Variants in ZNF516 observed in about 807,000 individuals in gnomAD.
The protein encoded by ZNF516 is zinc finger protein 516.
Under a neutral mutation model 79.7 loss-of-function variants are expected in ZNF516, and 19 were observed. The ratio of observed to expected loss-of-function variants is 0.24; its 90% CI spans 0.17 to 0.35. The LOEUF (loss-of-function observed/expected upper bound fraction) is 0.35. Ranked by LOEUF, ZNF516 falls within the 10% of genes least tolerant of loss-of-function variation. The probability of loss-of-function intolerance (pLI) is 1.00; values close to 1 mark genes in which losing one functional copy is unlikely to be tolerated. For missense variants in ZNF516, 1,678 were observed against 1,679.5 expected, an observed-to-expected ratio of 1.00 and a Z score of 0.02; for synonymous variants, 877 against 739.5, an observed-to-expected ratio of 1.19 and a Z score of -3.02.
chr18:76,447,454 TG>T (rs1251687821), intron 2 of ZNF516, among the ~76,000 whole-genome samples: 2 of 152,228 alleles, frequency 1.3e-5, no homozygotes, highest in East Asian at 3.8e-4. Context: ...CGTCCTGGGC[TG>T]CTCTATTCCA....
intron 3 of ZNF516, among the ~76,000 whole-genome samples, chr18:76,419,092 C>A (rs1231390660): frequency 1.3e-5 from 2 of 152,230 alleles, no homozygotes; most frequent in Admixed American, 1.3e-4. Context: ...TGGGTCGCAG[C>A]CACTCCTACT....
At chr18:76,439,343 ACCTACAGGGCTCTTCCATGTTTCATG>A (rs1377283758) in intron 3 of ZNF516, among the ~76,000 whole-genome samples, 1 of 152,102 alleles carries the variant, frequency 6.6e-6, no homozygotes, top group African/African-American at 2.4e-5. Flanking sequence ...ACCCACATAC[ACCTACAGGGCTCTTCCATGTTTCATG>A]CCTCTGTCGA....
chr18:76,472,458 CATGT>C (rs755184095), intron 1 of ZNF516, among the ~76,000 whole-genome samples: 20 of 152,360 alleles, frequency 1.3e-4, no homozygotes, highest in East Asian at 1.2e-3. Context: ...TTCACATATG[CATGT>C]ATGTGTGTAT....
chr18:76,417,820 A>G (rs1170327903), intron 3 of ZNF516, among the ~76,000 whole-genome samples: 2 of 152,232 alleles, frequency 1.3e-5, no homozygotes, highest in Non-Finnish European at 2.9e-5. Context: ...AAATATTTAA[A>G]TCATCTAAAC....
intron 6 of ZNF516, 102 bp downstream of exon 6, chr18:76,370,426 A>G: frequency 8.4e-7 from 1 of 1,193,924 alleles, no homozygotes; most frequent in African/African-American, 1.6e-5. Flanking sequence ...ACATCTAGTG[A>G]AAAAAACAAA....
chr18:76,429,331 G>A (rs1599074658), intron 3 of ZNF516, among the ~76,000 whole-genome samples: 1 of 152,220 alleles, frequency 6.6e-6, no homozygotes, highest in Non-Finnish European at 1.5e-5. Flanking sequence ...ATGGCCTTGG[G>A]ACAGATAAAA....
chr18:76,473,706 C>T (rs1481552510), intron 1 of ZNF516, among the ~76,000 whole-genome samples: 2 of 151,206 alleles, frequency 1.3e-5, no homozygotes, highest in African/African-American at 2.4e-5. Flanking sequence ...GAAGCTGAGG[C>T]AAGAGGACGG....
chr18:76,485,574 G>A (rs1313960353), intron 1 of ZNF516, among the ~76,000 whole-genome samples: 1 of 152,164 alleles, frequency 6.6e-6, no homozygotes, highest in East Asian at 1.9e-4. Context: ...ACGAGAGAGA[G>A]GTGTCTGGAG....
chr18:76,399,854 G>A (rs1422958937), intron 3 of ZNF516, among the ~76,000 whole-genome samples: 1 of 152,130 alleles, frequency 6.6e-6, no homozygotes. Flanking sequence ...CCCTCACCAT[G>A]TTTCTGCTTG....
Position 76,379,875 on chromosome 18 carries a change from T to C in ZNF516, c.2239A>G (p.Lys747Glu). ...GCCTGCAGGGAGGAGGCCGTCTCCT[T>C]ATTGCTGGGGTCATCCCGCGTCGAC... is the stretch of plus-strand genomic sequence containing the variant. Reference protein sequence around the residue: ...ARSTRDDPSNKETASSLQAAL... With the variant: ...ARSTRDDPSNEETASSLQAAL... The change falls in exon 4 of 7, where the codon AAG becomes GAG. Residue 747 changes from lysine (K) to glutamate (E), a missense_variant. Lys to Glu is a moderately conservative substitution (Grantham distance 56). Around this residue, in one of 5 missense-constraint regions of ZNF516, gnomAD observed 1,294 missense variants for 1,248.3 expected, o/e 1.04. Transcript: ENST00000443185. 2 of 1,613,860 alleles carry C rather than the reference T, an allele frequency of 1.2e-6. No homozygotes were observed. The highest frequency in any genetic ancestry group is 8.5e-7 in the Non-Finnish European group (1 of 1,179,864).
rs774150593 is a variant in ZNF516 at position 76,371,546 on chromosome 18, T to G, written c.3285A>C (p.Pro1095=). The change falls in exon 5 of 7, where the codon CCA becomes CCC. Residue 1095 remains proline, a synonymous_variant. Coordinates refer to ENST00000443185, the MANE Select transcript of ZNF516 (RefSeq NM_014643.4). ...HRGTLRTQAR[P]GEFVCIECGK... is the part of the protein sequence containing the mutation. ...CGCACTCGATGCAGACGAACTCTCC[T>G]GGCCGGGCCTGCGTCCGGAGTGTCC... is the stretch of plus-strand genomic sequence containing the variant. 10 of 1,610,684 alleles carry G rather than the reference T, an allele frequency of 6.2e-6. No homozygotes were observed. In the South Asian group the frequency reaches 1.1e-4, roughly 18 times the overall value.
chr18:76,398,626 C>G (rs541009902), intron 3 of ZNF516, among the ~76,000 whole-genome samples: 1 of 145,952 alleles, frequency 6.9e-6, no homozygotes, highest in African/African-American at 2.5e-5. Context: ...GGGGGCCTTT[C>G]TGAAGGAATG....
At chr18:76,375,920 C>A (rs1279563567) in intron 4 of ZNF516, among the ~76,000 whole-genome samples, 8 of 151,396 alleles carry the variant, frequency 5.3e-5, no homozygotes, top group Admixed American at 5.2e-4. Flanking sequence ...TGGGAAGGCC[C>A]AAGAGACCAG....
At chr18:76,477,823 TCTCCTTTAAGAAGATG>T (rs943880435) in intron 1 of ZNF516, among the ~76,000 whole-genome samples, 21 of 152,170 alleles carry the variant, frequency 1.4e-4, no homozygotes, top group Admixed American at 1.0e-3. Context: ...TTAATTCTCA[TCTCCTTTAAGAAGATG>T]CTTTAAGAAG....
chr18:76,429,241 C>A (rs941127150), intron 3 of ZNF516, among the ~76,000 whole-genome samples: 3 of 152,282 alleles, frequency 2.0e-5, no homozygotes, highest in Middle Eastern at 6.8e-3. Context: ...CCTGAGGGTC[C>A]CAGGAGGAAA....
intron 1 of ZNF516, among the ~76,000 whole-genome samples, chr18:76,473,356 A>C (rs1268110616): frequency 1.9e-4 from 5 of 26,488 alleles, no homozygotes; most frequent in African/African-American, 1.2e-3. Flanking sequence ...TGCTCTCTGC[A>C]AAAAAAAAAA....
In ZNF516 at chr18:76,362,402, T is replaced by A. The variant is rs2074552436; in HGVS notation, c.*96A>T. The A allele has an allele frequency of 2.4e-6, 3 of 1,247,210 alleles. No homozygotes were observed. Among genetic ancestry groups the A allele is most frequent in the Non-Finnish European group, 3.4e-6 (3 of 875,028 alleles). The allele number at this position is 1,247,210 out of a possible 1,614,324, so 77.3% of individuals were successfully genotyped here. A position where few individuals can be genotyped will look rare whatever the true frequency, so the allele number is the denominator to read the frequency against. ...CAGGAGTTCCCCGGCTGTTCTTCCA[T>A]GGAGCGGCCAGGTCACAGGTGGGAG... is the stretch of plus-strand genomic sequence containing the variant. On this transcript the variant is annotated 3_prime_UTR_variant, in exon 7 of 7. Transcript: ENST00000443185.
In ZNF516 at chr18:76,443,179, T is replaced by C; in HGVS notation, c.-125A>G. On this transcript the variant is annotated 5_prime_UTR_variant, in exon 3 of 7. An upstream open reading frame in the 5' UTR loses its in-frame stop. Coordinates refer to ENST00000443185, the MANE Select transcript of ZNF516 (RefSeq NM_014643.4). ...GCCTGCTCCCAGGAGGTGCACCTTC[T>C]ACATGGGGGGCGCAGCAGCTGGCAG... 7.3e-7 allele frequency: 1 copy of C among 1,374,086 alleles called. No individual in the cohort carries two copies. Among genetic ancestry groups the C allele is most frequent in the Non-Finnish European group, 9.5e-7 (1 of 1,049,722 alleles). 85.1% of individuals were successfully genotyped at this position (1,374,086 alleles called of 1,614,324 possible). A position where few individuals can be genotyped will look rare whatever the true frequency, so the allele number is the denominator to read the frequency against.
At chr18:76,367,482 T>C (rs1050151409) in intron 6 of ZNF516, among the ~76,000 whole-genome samples, 16 of 152,214 alleles carry the variant, frequency 1.1e-4, no homozygotes, top group African/African-American at 3.4e-4. Context: ...TGGTGCTCTC[T>C]AGACCCCAGG....
Sources: gnomAD v4.1 joint callset for allele counts (sites outside exome capture counted in the v4.1 genomes callset) on GRCh38, gnomAD v4.1.1 for gene constraint, gnomAD v4.1.1 regional missense constraint, MANE v1.5 for transcripts, NCBI Gene and HGNC (gene_info 2026-07-23, HGNC 2026-07-21) for gene names.